CLINT1: variants seen among roughly 807,000 people sequenced by gnomAD.
CLINT1 encodes clathrin interacting protein localized in the trans-Golgi region.
In CLINT1, 15 loss-of-function variants were observed where a neutral mutation model predicts 70.4. The observed-to-expected ratio is 0.21, with a 90% CI of 0.14 to 0.33. The LOEUF (loss-of-function observed/expected upper bound fraction) is 0.33, where lower values mean the gene tolerates loss of function less well. CLINT1 is among the 10% of genes least tolerant of loss of function. The probability of loss-of-function intolerance (pLI) is 1.00; values close to 1 mark genes in which losing one functional copy is unlikely to be tolerated. For synonymous variants in CLINT1, 227 were observed against 254.7 expected, an observed-to-expected ratio of 0.89 and a Z score of 1.04; for missense variants, 615 against 778.1, an observed-to-expected ratio of 0.79 and a Z score of 2.49.
At chr5:157,802,206 T>G (rs947258993) in intron 8 of CLINT1, among the ~76,000 whole-genome samples, 1 of 152,126 alleles carries the variant, frequency 6.6e-6, no homozygotes, top group African/African-American at 2.4e-5. Flanking sequence ...CAATTCGGCT[T>G]TGAAAAATCA....
chr5:157,796,810 A>G (rs192407472), intron 8 of CLINT1, among the ~76,000 whole-genome samples: 1 of 152,262 alleles, frequency 6.6e-6, no homozygotes, highest in East Asian at 1.9e-4. Flanking sequence ...TTTTTAATGC[A>G]TATTTACTGT....
intron 7 of CLINT1, among the ~76,000 whole-genome samples, chr5:157,805,634 A>G (rs254670): frequency 0.56 from 84,554 of 151,978 alleles, 23,976 homozygotes; most frequent in East Asian, 0.79. Flanking sequence ...TTCCCCAAAC[A>G]AACCAAAAGT....
chr5:157,791,337 G>A (rs254686), intron 10 of CLINT1, among the ~76,000 whole-genome samples: 1 of 151,964 alleles, frequency 6.6e-6, no homozygotes, highest in African/African-American at 2.4e-5. Context: ...GGATTACAGG[G>A]GTGAGCCACT....
chr5:157,843,725 T>C (rs2113307433), intron 1 of CLINT1, among the ~76,000 whole-genome samples: 1 of 152,348 alleles, frequency 6.6e-6, no homozygotes, highest in East Asian at 1.9e-4. Context: ...TGAAATGTAT[T>C]ATCTTGTTCC....
intron 6 of CLINT1, 41 bp downstream of exon 6, chr5:157,809,587 G>A: frequency 6.6e-7 from 1 of 1,508,562 alleles, no homozygotes; most frequent in South Asian, 1.3e-5. Flanking sequence ...ATAAATTTAG[G>A]GCTCTTTCTA....
chr5:157,787,836 A>G lies in CLINT1; in HGVS notation c.1688T>C (p.Met563Thr), dbSNP rs1405882872. The G allele has an allele frequency of 3.1e-6, 5 of 1,613,850 alleles. No individual in the cohort carries two copies. The highest frequency in any genetic ancestry group is 4.2e-6 in the Non-Finnish European group (5 of 1,179,886). ...MPNVMTGTMG[M>T]APLGNTPMMN... ...CATCGGAGTATTTCCAAGAGGGGCC[A>G]TTCCCATGGTGCCAGTCATCACATT... Residue 563 changes from methionine (M) to threonine (T), a missense_variant, in exon 12 of 12, where the codon ATG (methionine) becomes ACG (threonine). Physicochemically the swap from Met to Thr is moderately conservative, Grantham distance 81. Transcript: ENST00000411809.
intron 8 of CLINT1, among the ~76,000 whole-genome samples, chr5:157,802,981 C>T (rs1762274378): frequency 6.6e-6 from 1 of 152,228 alleles, no homozygotes. Flanking sequence ...TTGACCTTCG[C>T]ATGAGGACAA....
chr5:157,850,979 A>G (rs769907804), intron 1 of CLINT1, among the ~76,000 whole-genome samples: 1 of 152,054 alleles, frequency 6.6e-6, no homozygotes, highest in South Asian at 2.1e-4. Context: ...ATTTTTTTGT[A>G]GAGACAAGGT....
chr5:157,817,572 C>T (rs1762760779), intron 1 of CLINT1, 25 bp from the exon 2 acceptor site: 2 of 1,414,680 alleles, frequency 1.4e-6, no homozygotes, highest in Non-Finnish European at 2.0e-6. Flanking sequence ...AATGCACGCA[C>T]ACATGCACAA....
intron 1 of CLINT1, among the ~76,000 whole-genome samples, chr5:157,852,969 C>A (rs1753624394): frequency 6.6e-6 from 1 of 152,174 alleles, no homozygotes; most frequent in African/African-American, 2.4e-5. Context: ...TATATAAGAA[C>A]CTTCAAAAGT....
chr5:157,811,447 C>A (rs1433581908), intron 5 of CLINT1, among the ~76,000 whole-genome samples: 1 of 150,964 alleles, frequency 6.6e-6, no homozygotes, highest in African/African-American at 2.4e-5. Flanking sequence ...GCAGGAGAAT[C>A]ACTTGAACCC....
At chr5:157,814,498 T>C (rs538822146) in intron 3 of CLINT1, among the ~76,000 whole-genome samples, 1 of 152,300 alleles carries the variant, frequency 6.6e-6, no homozygotes, top group East Asian at 1.9e-4. Context: ...TGATAAATAA[T>C]TATAAATCAT....
At chr5:157,851,285 C>G (rs1753564199) in intron 1 of CLINT1, among the ~76,000 whole-genome samples, 1 of 152,038 alleles carries the variant, frequency 6.6e-6, no homozygotes. Flanking sequence ...TGTACGTTTA[C>G]CACATAATGA....
At chr5:157,789,034 C>T (rs1168380268) in intron 11 of CLINT1, among the ~76,000 whole-genome samples, 4 of 148,796 alleles carry the variant, frequency 2.7e-5, no homozygotes, top group Admixed American at 1.3e-4. Flanking sequence ...TACCCCTCAA[C>T]GGCAGAATCA....
At chr5:157,800,123 G>A (rs1027384747) in intron 8 of CLINT1, among the ~76,000 whole-genome samples, 2 of 152,118 alleles carry the variant, frequency 1.3e-5, no homozygotes, top group African/African-American at 4.8e-5. Context: ...ATATGAGATA[G>A]TCTCAAGTAA....
chr5:157,847,266 G>A (rs1561674889), intron 1 of CLINT1, among the ~76,000 whole-genome samples: 1 of 152,178 alleles, frequency 6.6e-6, no homozygotes, highest in Non-Finnish European at 1.5e-5. Context: ...CACTTTGGGA[G>A]GCCAAGGCAG....
intron 1 of CLINT1, among the ~76,000 whole-genome samples, chr5:157,822,821 GAA>G (rs1762916725): frequency 6.6e-6 from 1 of 152,052 alleles, no homozygotes; most frequent in African/African-American, 2.4e-5. Flanking sequence ...TAATTAACAA[GAA>G]AAAACTTGAG....
At chr5:157,848,653 G>A (rs1010329992) in intron 1 of CLINT1, among the ~76,000 whole-genome samples, 15 of 151,924 alleles carry the variant, frequency 9.9e-5, no homozygotes, top group African/African-American at 3.4e-4. Context: ...ACAGGGGTGC[G>A]CCAGAATGCC....
chr5:157,805,667 G>T (rs913576403), intron 7 of CLINT1, among the ~76,000 whole-genome samples, 199 bp downstream of exon 7: 3 of 152,106 alleles, frequency 2.0e-5, no homozygotes, highest in Admixed American at 2.0e-4. Flanking sequence ...TTCATAGAAA[G>T]TACCCAATCA....
Sources: gnomAD v4.1 joint callset for allele counts (sites outside exome capture counted in the v4.1 genomes callset) on GRCh38, gnomAD v4.1.1 for gene constraint, MANE v1.5 for transcripts, NCBI Gene and HGNC (gene_info 2026-07-23, HGNC 2026-07-21) for gene names.